Variants in MARK3 observed in about 807,000 individuals in gnomAD.
MARK3 encodes the protein microtubule affinity regulating kinase 3, also known as MAP/microtubule affinity-regulating kinase 3.
A neutral mutation model predicts 90.1 loss-of-function variants in MARK3; 46 were observed. The ratio of observed to expected loss-of-function variants is 0.51; its 90% confidence interval spans 0.40 to 0.65. MARK3 has a LOEUF of 0.65. Among genes scored for constraint, MARK3 ranks in the 30% least tolerant of loss-of-function variants. The probability of loss-of-function intolerance (pLI) is 0.00; values close to 1 mark genes in which losing one functional copy is unlikely to be tolerated. For missense variants in MARK3, 818 were observed against 947.2 expected (o/e 0.86, Z 1.79); for synonymous variants, 321 against 332.6 (o/e 0.97, Z 0.38).
intron 3 of MARK3, 134 bp from the exon 4 acceptor site, chr14:103,448,785 G>T: frequency 1.2e-6 from 1 of 847,098 alleles, no homozygotes; most frequent in South Asian, 2.0e-5. Flanking sequence ...ATTAGTCTTA[G>T]ATATGGATTA....
rs1259830441 is a variant in MARK3, at chr14:103,417,629, CT to C, written c.244-10752del. On this transcript the variant is annotated intron_variant, in intron 2 of 17. Transcript: ENST00000429436. ...GTCTTTCAGTTCTGGAAAATTGTCT[CT>C]TTTTTAACTTAAAAATCTTCATTCT... Among the ~76,000 whole-genome samples, 2 of 152,044 alleles carry C rather than the reference CT, an allele frequency of 1.3e-5. 1 individual carries two copies. Among genetic ancestry groups the C allele is most frequent in the East Asian group, 3.9e-4 (2 of 5,192 alleles).
At chr14:103,422,655 G>A (rs552663908) in intron 2 of MARK3, among the ~76,000 whole-genome samples, 9 of 152,070 alleles carry the variant, frequency 5.9e-5, no homozygotes, top group African/African-American at 1.2e-4. Context: ...GAACCACTGT[G>A]CCACCTTCTA....
rs148550858 is a variant in MARK3 at position 103,409,045 on chromosome 14, G to A, written c.243+3778G>A. Among the ~76,000 whole-genome samples the A allele has an allele frequency of 2.8e-3, 422 of 152,228 alleles. 2 individuals are homozygous for A. The highest frequency in any genetic ancestry group is 9.5e-3 in the African/African-American group (394 of 41,544). On this transcript the variant is annotated intron_variant, in intron 2 of 17. Coordinates refer to ENST00000429436, the MANE Select transcript of MARK3 (RefSeq NM_001128918.3). ...GGCAGAGATGGTGGGCCAAGAGAGC[G>A]TTGAGACAGACGAACCTCTTCCATT...
At chr14:103,386,218 C>A in intron 1 of MARK3, 138 bp downstream of exon 1, 1 of 823,494 alleles carries the variant, frequency 1.2e-6, no homozygotes, top group Non-Finnish European at 2.1e-6. Flanking sequence ...CAGGAGGCAG[C>A]CAGGTCGGAC....
chr14:103,458,951 A>G (rs895466813), intron 6 of MARK3, among the ~76,000 whole-genome samples: 1 of 147,808 alleles, frequency 6.8e-6, no homozygotes, highest in Non-Finnish European at 1.5e-5. Flanking sequence ...TTAAAGCTAT[A>G]AAAAAAAAAG....
In MARK3 at chr14:103,421,051, C is replaced by T. The variant is rs534915110; in HGVS notation, c.244-7336C>T. 9.2e-4 allele frequency among the ~76,000 whole-genome samples: 140 copies of T among 152,292 alleles called. 1 individual carries two copies. Among genetic ancestry groups the T allele is most frequent in the Middle Eastern group, 3.4e-3 (1 of 294 alleles). ...TTTTCTTTGTAAGGCACATCATAGC[C>T]TTGCCATGGATAAAACTCTGGACAG... On this transcript the variant is annotated intron_variant, in intron 2 of 17. Transcript: ENST00000429436.
intron 14 of MARK3, chr14:103,491,501 A>G (rs115500782): frequency 3.7e-4 from 132 of 361,452 alleles, no homozygotes; most frequent in African/African-American, 2.6e-3. Flanking sequence ...AGTTTGAGTT[A>G]GCTGTTCTCT....
chr14:103,459,900 G>A (rs1317250052), intron 6 of MARK3, among the ~76,000 whole-genome samples: 1 of 151,518 alleles, frequency 6.6e-6, no homozygotes, highest in Admixed American at 6.6e-5. Context: ...CAAAAAGGAA[G>A]GTATGCCACA....
chr14:103,480,495 G>A lies in MARK3; in HGVS notation c.1586+5G>A. ...TCAGAATGGCAAAGAAAACAGGTAG[G>A]AGATTCTACCTGTTTGTAAGAAAAG... On this transcript the variant is annotated splice_donor_5th_base_variant and intron_variant, in intron 14 of 17. Coordinates refer to ENST00000429436, the MANE Select transcript of MARK3 (RefSeq NM_001128918.3). 5.8e-6 allele frequency: 9 copies of A among 1,555,684 alleles called. No individual in the cohort carries two copies. The highest frequency in any genetic ancestry group is 7.1e-6 in the Non-Finnish European group (8 of 1,129,814).
chr14:103,394,427 G>T (rs896358242), intron 1 of MARK3, among the ~76,000 whole-genome samples: 6 of 152,086 alleles, frequency 3.9e-5, no homozygotes, highest in African/African-American at 4.8e-5. Flanking sequence ...GAAAGAAAAG[G>T]CCTTTTTTTG....
chr14:103,498,454 C>A lies in MARK3; in HGVS notation c.1845-48C>A, dbSNP rs370586979. 231 of 1,187,478 alleles carry A rather than the reference C, an allele frequency of 1.9e-4. 1 individual carries two copies. In the African/African-American group the frequency reaches 3.6e-3, roughly 18 times the overall value. 73.6% of individuals were successfully genotyped at this position (1,187,478 alleles called of 1,614,324 possible). ...GATTAGATTTTCTGTTTAATTTGTG[C>A]GAGTTATTTTTGTTAATTTTTTTTT... On this transcript the variant is annotated intron_variant, in intron 15 of 17. Coordinates refer to ENST00000429436, the MANE Select transcript of MARK3 (RefSeq NM_001128918.3).
intron 14 of MARK3, chr14:103,490,627 A>G (rs2094000611): frequency 6.6e-6 from 1 of 152,628 alleles, no homozygotes; most frequent in Admixed American, 6.5e-5. Flanking sequence ...TTAGATTTGA[A>G]TTGAGGCATC....
intron 1 of MARK3, among the ~76,000 whole-genome samples, chr14:103,393,473 T>G (rs1032132848): frequency 6.6e-6 from 1 of 152,140 alleles, no homozygotes; most frequent in African/African-American, 2.4e-5. Context: ...AAAAAAAAAG[T>G]TGATCTCTGA....
intron 1 of MARK3, among the ~76,000 whole-genome samples, chr14:103,396,969 A>G (rs1290604238): frequency 6.6e-6 from 1 of 152,232 alleles, no homozygotes; most frequent in Non-Finnish European, 1.5e-5. Flanking sequence ...TTTCAAAAAT[A>G]GGATATAAAG....
At chr14:103,493,891 A>C (rs2075162585) in intron 15 of MARK3, among the ~76,000 whole-genome samples, 2 of 151,322 alleles carry the variant, frequency 1.3e-5, no homozygotes, top group Non-Finnish European at 2.9e-5. Flanking sequence ...AAAAAAAAAA[A>C]AACTTTGAGT....
intron 3 of MARK3, among the ~76,000 whole-genome samples, chr14:103,432,696 A>C (rs1240136029): frequency 6.6e-6 from 1 of 152,126 alleles, no homozygotes. Context: ...CCAAAAAAAA[A>C]ATTAAATAAA....
intron 3 of MARK3, among the ~76,000 whole-genome samples, chr14:103,442,175 T>C (rs1015373660): frequency 6.6e-6 from 1 of 152,098 alleles, no homozygotes; most frequent in African/African-American, 2.4e-5. Context: ...GAGACCATCC[T>C]GGTGAACATG....
At chr14:103,476,669 A>G (rs550832128) in intron 13 of MARK3, among the ~76,000 whole-genome samples, 2 of 152,088 alleles carry the variant, frequency 1.3e-5, no homozygotes, top group South Asian at 4.1e-4. Context: ...ATTAACAATG[A>G]TGCAGCCCTG....
chr14:103,474,446 C>T (rs987773565), intron 12 of MARK3, among the ~76,000 whole-genome samples: 3 of 125,556 alleles, frequency 2.4e-5, no homozygotes, highest in Admixed American at 8.2e-5. Flanking sequence ...TGACCTCCAC[C>T]GACTTCCTCC....
Sources: gnomAD v4.1 joint callset for allele counts (sites outside exome capture counted in the v4.1 genomes callset) on GRCh38, gnomAD v4.1.1 for gene constraint, MANE v1.5 for transcripts, NCBI Gene and HGNC (gene_info 2026-07-23, HGNC 2026-07-21) for gene names.